The following EIF3H variants were observed in gnomAD, a reference collection of about 807,000 sequenced individuals.
EIF3H encodes eIF-3-gamma.
In EIF3H, 26 loss-of-function variants were observed where a neutral mutation model predicts 44.2. The ratio of observed to expected loss-of-function variants is 0.59; its 90% CI spans 0.43 to 0.82. The LOEUF (loss-of-function observed/expected upper bound fraction) is 0.82, where lower values mean the gene tolerates loss of function less well. EIF3H is among the 40% of genes least tolerant of loss of function. EIF3H has a pLI of 0.00. For missense variants in EIF3H, 359 were observed against 432.8 expected (o/e 0.83, Z 1.51); for synonymous variants, 166 against 151.9 (o/e 1.09, Z -0.68).
Position 116,687,712 on chromosome 8 carries a change from A to C in EIF3H, c.290-28732T>G, listed in dbSNP as rs542463490. Reference sequence around the variant, plus strand: ...TTCAAATCTATGGTAAACCATCTAAATTTAAAGAAAAAAAATCTCTAACAA... The same window carrying C: ...TTCAAATCTATGGTAAACCATCTAACTTTAAAGAAAAAAAATCTCTAACAA... On this transcript the variant is annotated intron_variant, in intron 2 of 7. Transcript: ENST00000521861. Among the ~76,000 whole-genome samples the C allele has an allele frequency of 2.6e-5, 4 of 152,276 alleles. No individual in the cohort carries two copies. The South Asian group carries it at 8.3e-4, about 32-fold the overall frequency.
Position 116,685,895 on chromosome 8 carries a change from T to C in EIF3H, c.290-26915A>G, listed in dbSNP as rs1472634551. On this transcript the variant is annotated intron_variant, in intron 2 of 7. Coordinates refer to ENST00000521861, the MANE Select transcript of EIF3H (RefSeq NM_003756.3). ...TCTGCACAGCAGGAGAAGAACCTACTTGGATTTTCTGACAGCTGTGAAGGA... is the reference window on the plus strand; with the variant it reads ...TCTGCACAGCAGGAGAAGAACCTACCTGGATTTTCTGACAGCTGTGAAGGA... Among the ~76,000 whole-genome samples, 3 of 152,182 alleles carry C rather than the reference T, an allele frequency of 2.0e-5. No individual in the cohort carries two copies. In the East Asian group the frequency reaches 5.8e-4, roughly 29 times the overall value.
At chr8:116,663,792 G>A (rs894727505) in intron 2 of EIF3H, among the ~76,000 whole-genome samples, 2 of 151,986 alleles carry the variant, frequency 1.3e-5, no homozygotes, top group Admixed American at 6.6e-5. Context: ...TTAGCCAGGC[G>A]TGGTGGCAGG....
chr8:116,649,917 A>G (rs1218917806), intron 5 of EIF3H, among the ~76,000 whole-genome samples: 3 of 152,214 alleles, frequency 2.0e-5, no homozygotes, highest in African/African-American at 7.2e-5. Flanking sequence ...TTGTAGGCAA[A>G]AGAAAATACA....
chr8:116,675,000 T>C (rs572998495), intron 2 of EIF3H, among the ~76,000 whole-genome samples: 1 of 152,356 alleles, frequency 6.6e-6, no homozygotes, highest in East Asian at 1.9e-4. Flanking sequence ...GTTGGAACTC[T>C]TGTCCATCTT....
At chr8:116,725,219 G>A (rs1200476341) in intron 2 of EIF3H, among the ~76,000 whole-genome samples, 1 of 152,164 alleles carries the variant, frequency 6.6e-6, no homozygotes, top group Non-Finnish European at 1.5e-5. Flanking sequence ...CTAACATGAG[G>A]TATCTGTAGT....
In EIF3H at chr8:116,648,806, C is replaced by T; in HGVS notation, c.828G>A (p.Gln276=). 1 of 1,598,842 alleles carries T rather than the reference C, an allele frequency of 6.3e-7. No individual in the cohort carries two copies. Among genetic ancestry groups the T allele is most frequent in the Non-Finnish European group, 8.5e-7 (1 of 1,173,226 alleles). Residue 276 remains glutamine, a splice_region_variant and synonymous_variant, in exon 6 of 8, where the codon CAG becomes CAA. Transcript: ENST00000521861. ...NTSKQQQQKH[Q]YQQRRQQENM... is the part of the protein sequence containing the mutation. Reference sequence around the variant, plus strand: ...TGTTGAATTTTTCCACAATACCAACCTGATGTTTCTGCTGCTGTTGTTTAC... The same window carrying T: ...TGTTGAATTTTTCCACAATACCAACTTGATGTTTCTGCTGCTGTTGTTTAC...
chr8:116,736,347 T>G (rs1815039543), intron 1 of EIF3H, among the ~76,000 whole-genome samples: 1 of 152,180 alleles, frequency 6.6e-6, no homozygotes, highest in Non-Finnish European at 1.5e-5. Flanking sequence ...GTTACTAAAG[T>G]TCATCCAACT....
intron 1 of EIF3H, chr8:116,737,679 A>T (rs1815064414): frequency 6.5e-6 from 1 of 153,480 alleles, no homozygotes; most frequent in South Asian, 2.0e-4. Context: ...AAATAAAAAA[A>T]TTTTAAAAAA....
upstream of EIF3H, among the ~76,000 whole-genome samples, chr8:116,756,288 G>C (rs1815448642): frequency 6.6e-6 from 1 of 152,162 alleles, no homozygotes; most frequent in African/African-American, 2.4e-5. Flanking sequence ...TAACCACTTA[G>C]ATTATATAGA....
At chr8:116,698,932 A>G (rs994935603) in intron 2 of EIF3H, among the ~76,000 whole-genome samples, 5 of 152,118 alleles carry the variant, frequency 3.3e-5, no homozygotes, top group African/African-American at 1.2e-4. Context: ...CAGATCTTTG[A>G]GCTCAGGAGT....
intron 1 of EIF3H, among the ~76,000 whole-genome samples, chr8:116,748,946 GATC>G (rs1467044789): frequency 2.6e-5 from 4 of 151,850 alleles, no homozygotes; most frequent in Non-Finnish European, 5.9e-5. Flanking sequence ...TAGTATTTTC[GATC>G]CATGGTTGGT....
At chr8:116,693,975 A>G (rs1012889097) in intron 2 of EIF3H, among the ~76,000 whole-genome samples, 1 of 150,308 alleles carries the variant, frequency 6.7e-6, no homozygotes, top group African/African-American at 2.5e-5. Flanking sequence ...GGCCAGATGT[A>G]TCATATTTCA....
At chr8:116,727,569 T>A (rs1300301152) in intron 1 of EIF3H, among the ~76,000 whole-genome samples, 1 of 152,210 alleles carries the variant, frequency 6.6e-6, no homozygotes. Context: ...AAACACAGGT[T>A]TGTGTGAGAT....
At chr8:116,695,705 G>A (rs1814259169) in intron 2 of EIF3H, among the ~76,000 whole-genome samples, 1 of 152,178 alleles carries the variant, frequency 6.6e-6, no homozygotes, top group Non-Finnish European at 1.5e-5. Flanking sequence ...GGCCTGGCAT[G>A]GGTCTTCAAA....
intron 2 of EIF3H, among the ~76,000 whole-genome samples, chr8:116,706,668 G>A (rs1251241444): frequency 6.6e-6 from 1 of 152,150 alleles, no homozygotes; most frequent in Non-Finnish European, 1.5e-5. Flanking sequence ...ACGAGTAGCT[G>A]AGACTACAGG....
At chr8:116,702,751 C>T (rs1814399452) in intron 2 of EIF3H, among the ~76,000 whole-genome samples, 1 of 152,108 alleles carries the variant, frequency 6.6e-6, no homozygotes, top group Non-Finnish European at 1.5e-5. Context: ...CAGATATTTC[C>T]AAAATCAAGT....
At chr8:116,691,829 G>A (rs568096915) in intron 2 of EIF3H, among the ~76,000 whole-genome samples, 2 of 144,996 alleles carry the variant, frequency 1.4e-5, no homozygotes, top group East Asian at 2.0e-4. Flanking sequence ...CAGAGATCAC[G>A]CCACTGCACT....
chr8:116,757,042 C>G (rs1815460459), upstream of EIF3H, among the ~76,000 whole-genome samples: 1 of 152,146 alleles, frequency 6.6e-6, no homozygotes, highest in Non-Finnish European at 1.5e-5. Context: ...TTGCTTTATC[C>G]TACAACATAC....
At chr8:116,665,808 T>C (rs1353422506) in intron 2 of EIF3H, among the ~76,000 whole-genome samples, 3 of 152,226 alleles carry the variant, frequency 2.0e-5, no homozygotes, top group African/African-American at 7.2e-5. Context: ...TCAGACTTTT[T>C]GCCAAGCTGC....
Sources: gnomAD v4.1 joint callset for allele counts (sites outside exome capture counted in the v4.1 genomes callset) on GRCh38, gnomAD v4.1.1 for gene constraint, MANE v1.5 for transcripts, NCBI Gene and HGNC (gene_info 2026-07-23, HGNC 2026-07-21) for gene names.